The following PKN3 variants were observed in gnomAD, a reference collection of about 807,000 sequenced individuals.
PKN3 encodes protein kinase N3.
A neutral mutation model predicts 113.1 loss-of-function variants in PKN3; 91 were observed. The observed-to-expected ratio is 0.80, with a 90% CI of 0.68 to 0.96. The LOEUF (loss-of-function observed/expected upper bound fraction) is 0.96, where lower values mean the gene tolerates loss of function less well. Ranked by LOEUF, PKN3 falls within the 40% of genes least tolerant of loss-of-function variation. The pLI is 0.00. For synonymous variants in PKN3, 467 were observed against 499.0 expected, an observed-to-expected ratio of 0.94 and a Z score of 0.85; for missense variants, 1,052 against 1,202.2, an observed-to-expected ratio of 0.88 and a Z score of 1.85.
At position 128,713,078 on chromosome 9, in the gene PKN3, T is replaced by C; in HGVS notation, c.862T>C (p.Cys288Arg). Reference protein sequence around the residue: ...TGTLQVRLLGCEQLLTAVPGR... With the variant: ...TGTLQVRLLGREQLLTAVPGR... ...GACACTGCAGGTCCGCCTCCTGGGC[T>C]GTGAACAGTTGCTGACAGCCGTGCC... Residue 288 changes from cysteine (C) to arginine (R), a missense_variant, in exon 7 of 22, where the codon TGT (cysteine) becomes CGT (arginine). Cys to Arg is a radical substitution (Grantham distance 180, BLOSUM62 -3). Transcript: ENST00000291906. 3 of 1,611,654 alleles carry C rather than the reference T, an allele frequency of 1.9e-6. No individual in the cohort carries two copies. The highest frequency in any genetic ancestry group is 2.5e-6 in the Non-Finnish European group (3 of 1,178,938).
In PKN3 at chr9:128,705,748, G is replaced by A; in HGVS notation, c.280G>A (p.Gly94Arg). 2 of 1,606,196 alleles carry A rather than the reference G, an allele frequency of 1.2e-6. No individual in the cohort carries two copies. The highest frequency in any genetic ancestry group is 1.7e-6 in the Non-Finnish European group (2 of 1,176,622). The change falls in exon 3 of 22, where the codon GGA becomes AGA. Residue 94 changes from glycine (G) to arginine (R), a missense_variant. By Grantham distance (125) the Gly-to-Arg change is moderately radical. Around this residue, in one of 2 missense-constraint regions of PKN3, gnomAD observed 719 missense variants for 759.4 expected, o/e 0.95. Coordinates refer to ENST00000291906, the MANE Select transcript of PKN3 (RefSeq NM_013355.5). ...GPGPAEPVAS[G>R]PRPWAEQLRA... is the part of the protein sequence containing the mutation. ...CCCGTGCACAGAGCCTGTGGCCTCA[G>A]GACCCCGGCCGTGGGCAGAGCAGCT...
intron 3 of PKN3, 30 bp downstream of exon 3, chr9:128,705,909 A>C (rs1589476255): frequency 1.3e-6 from 2 of 1,543,358 alleles, no homozygotes; most frequent in Non-Finnish European, 1.8e-6. Context: ...TGGCAGGAGC[A>C]CCCTGGCCCC....
chr9:128,714,876 C>G lies in PKN3; in HGVS notation c.1652+11C>G, dbSNP rs763132219. ...AGCCTCCCCCACCAGGTACCCCATC[C>G]TGCGCACCTTCATGTTTGAGACGTT... On this transcript the variant is annotated intron_variant, in intron 13 of 21. Coordinates refer to ENST00000291906, the MANE Select transcript of PKN3 (RefSeq NM_013355.5). The G allele has an allele frequency of 8.1e-6, 13 of 1,612,100 alleles. No individual in the cohort carries two copies. Among genetic ancestry groups the G allele is most frequent in the Non-Finnish European group, 5.1e-6 (6 of 1,178,212 alleles).
At position 128,714,127 on chromosome 9, in the gene PKN3, G is replaced by C; in HGVS notation, c.1312+6G>C. ...CATCTTCTCTAAACGCAGAGGTGTGGAGGGAATGGGGGCTATGTGTGAGGG... is the reference window on the plus strand; with the variant it reads ...CATCTTCTCTAAACGCAGAGGTGTGCAGGGAATGGGGGCTATGTGTGAGGG... On this transcript the variant is annotated splice_donor_region_variant and intron_variant, in intron 10 of 21. Coordinates refer to ENST00000291906, the MANE Select transcript of PKN3 (RefSeq NM_013355.5). 3.7e-6 allele frequency: 6 copies of C among 1,614,136 alleles called. No homozygotes were observed. Among genetic ancestry groups the C allele is most frequent in the Non-Finnish European group, 5.1e-6 (6 of 1,179,988 alleles).
intron 1 of PKN3, chr9:128,703,541 C>T: frequency 1.0e-6 from 1 of 985,374 alleles, no homozygotes; most frequent in Non-Finnish European, 1.2e-6. Context: ...GCGCGTGGGC[C>T]CGGAGGACCG....
intron 5 of PKN3, 43 bp from the exon 6 acceptor site, chr9:128,707,179 C>A: frequency 6.3e-7 from 1 of 1,582,850 alleles, no homozygotes; most frequent in South Asian, 1.1e-5. Context: ...CTGCCCCCTG[C>A]CATATACCCC....
In PKN3 at chr9:128,718,423, TG is replaced by T. The variant is rs775941124; in HGVS notation, c.2048+41del. 4.8e-5 allele frequency: 21 copies of T among 437,714 alleles called. No homozygotes were observed. In the East Asian group the frequency reaches 6.6e-4, roughly 14 times the overall value. 27.1% of individuals were successfully genotyped at this position (437,714 alleles called of 1,614,324 possible). A position where few individuals can be genotyped will look rare whatever the true frequency, so the allele number is the denominator to read the frequency against. ...TCCCAGGGATGCACGGGGGTAGGGG[TG>T]GGGGTGGGGGTGGAGTGGGTAAGGA... is the stretch of plus-strand genomic sequence containing the variant. On this transcript the variant is annotated intron_variant, in intron 17 of 21. Transcript: ENST00000291906.
At chr9:128,714,155 C>T (rs1862266036) in intron 10 of PKN3, 34 bp downstream of exon 10, 1 of 1,613,880 alleles carries the variant, frequency 6.2e-7, no homozygotes, top group African/African-American at 1.3e-5. Context: ...TGTGAGGGAG[C>T]AGGGCTGGGG....
At chr9:128,703,005 G>A in intron 1 of PKN3, 66 bp downstream of exon 1, 1 of 1,124,492 alleles carries the variant, frequency 8.9e-7, no homozygotes, top group Non-Finnish European at 1.2e-6. Context: ...TCGCCCCGGA[G>A]CCCCGAACCG....
At chr9:128,717,026 G>A in intron 16 of PKN3, 103 bp downstream of exon 16, 3 of 913,406 alleles carry the variant, frequency 3.3e-6, no homozygotes, top group Non-Finnish European at 3.4e-6. Flanking sequence ...CAGCAGGGGA[G>A]CAGGAGTCAG....
chr9:128,720,574 G>C lies in PKN3; in HGVS notation c.2638G>C (p.Asp880His). The change falls in exon 22 of 22, where the codon GAC becomes CAC. Residue 880 changes from aspartate to histidine, a missense_variant. Transcript: ENST00000291906. This position sits in a 1 kb window ranked among gnomAD's most constrained non-coding sequence, Gnocchi z 5.5. ...CCAACAGGCCGCCTTCCGGGACTTC[G>C]ACTTTGTGTCAGAGCGATTCCTGGA... is the stretch of plus-strand genomic sequence containing the variant. ...ARQQAAFRDFDFVSERFLEP is the reference protein window; with the variant it reads ...ARQQAAFRDFHFVSERFLEP 6.2e-7 allele frequency: 1 copy of C among 1,613,376 alleles called. No individual in the cohort carries two copies. The highest frequency in any genetic ancestry group is 1.6e-4 in the Middle Eastern group (1 of 6,062).
Position 128,705,758 on chromosome 9 carries a change from C to A in PKN3, c.290C>A (p.Pro97Gln). The A allele has an allele frequency of 6.2e-7, 1 of 1,607,628 alleles. No homozygotes were observed. Among genetic ancestry groups the A allele is most frequent in the Non-Finnish European group, 8.5e-7 (1 of 1,177,296 alleles). Reference protein sequence around the residue: ...PAEPVASGPRPWAEQLRARHL... With the variant: ...PAEPVASGPRQWAEQLRARHL... ...GAGCCTGTGGCCTCAGGACCCCGGC[C>A]GTGGGCAGAGCAGCTCAGGGCTCGG... The change falls in exon 3 of 22, where the codon CCG becomes CAG. Residue 97 changes from proline (P) to glutamine (Q), a missense_variant. Around this residue, in one of 2 missense-constraint regions of PKN3, gnomAD observed 719 missense variants for 759.4 expected, o/e 0.95. Transcript: ENST00000291906.
intron 15 of PKN3, 68 bp from the exon 16 acceptor site, chr9:128,716,679 G>C (rs186271382): frequency 1.5e-6 from 2 of 1,344,204 alleles, no homozygotes; most frequent in East Asian, 4.6e-5. Context: ...CAGGGGTGTT[G>C]TGCAGGGCAC....
In PKN3 at chr9:128,707,345, G is replaced by A. The variant is rs1413696458; in HGVS notation, c.775G>A (p.Ala259Thr). The A allele has an allele frequency of 1.9e-6, 3 of 1,613,608 alleles. No individual in the cohort carries two copies. Among genetic ancestry groups the A allele is most frequent in the Non-Finnish European group, 2.5e-6 (3 of 1,179,920 alleles). ...LRSRVTRELRAAVPGYPQPSG... is the reference protein window; with the variant it reads ...LRSRVTRELRTAVPGYPQPSG... The stretch of plus-strand genomic sequence containing the variant: ...CAGCAGAGTGACCCGAGAGTTGCGG[G>A]CTGCGGTGCCTGGATACCCCCAGCC... The change falls in exon 6 of 22, where the codon GCT becomes ACT. Residue 259 changes from alanine (A) to threonine (T), a missense_variant. By Grantham distance (58) the Ala-to-Thr change is moderately conservative. Coordinates refer to ENST00000291906, the MANE Select transcript of PKN3 (RefSeq NM_013355.5).
At chr9:128,717,113 G>GTTTTTTTTTTTTTTTTTTT (rs1554781180) in intron 16 of PKN3, among the ~76,000 whole-genome samples, 190 bp downstream of exon 16, 7 of 14,446 alleles carry the variant, frequency 4.8e-4, no homozygotes, top group East Asian at 2.1e-3. Context: ...TGTGCATTAG[G>GTTTTTTTTTTTTTTTTTTT]TTTCTTTTTT....
rs375042146 is a variant in PKN3 at position 128,714,860 on chromosome 9, C to T, written c.1647C>T (p.Pro549=). ...GTGGGCCATCTCCACCAGCCTCCCC[C>T]ACCAGGTACCCCATCCTGCGCACCT... ...TRRGPSPPAS[P]TRKPPRLQDF... is the part of the protein sequence containing the mutation. The change falls in exon 13 of 22, where the codon CCC becomes CCT. Residue 549 remains proline (P), a synonymous_variant. Coordinates refer to ENST00000291906, the MANE Select transcript of PKN3 (RefSeq NM_013355.5). 3.1e-6 allele frequency: 5 copies of T among 1,613,624 alleles called. No homozygotes were observed. The highest frequency in any genetic ancestry group is 2.2e-5 in the East Asian group (1 of 44,888).
At chr9:128,708,280 G>A (rs548625503) in intron 6 of PKN3, among the ~76,000 whole-genome samples, 6 of 151,990 alleles carry the variant, frequency 3.9e-5, no homozygotes, top group Non-Finnish European at 8.8e-5. Flanking sequence ...CACTCGGGAG[G>A]CTAAGGCAGG....
intron 6 of PKN3, among the ~76,000 whole-genome samples, chr9:128,711,468 G>A (rs1287269698): frequency 6.6e-6 from 1 of 151,386 alleles, no homozygotes; most frequent in Non-Finnish European, 1.5e-5. Flanking sequence ...CCGCCACTGC[G>A]CCCGGCTAAT....
At position 128,705,349 on chromosome 9, in the gene PKN3, G is replaced by A. The variant is rs1220318953; in HGVS notation, c.71G>A (p.Arg24His). Residue 24 changes from arginine (R) to histidine (H), a missense_variant, in exon 2 of 22, where the codon CGC (arginine) becomes CAC (histidine). Coordinates refer to ENST00000291906, the MANE Select transcript of PKN3 (RefSeq NM_013355.5). Reference sequence around the variant, plus strand: ...CCAGAGGATGAGAAGGAGGTGATCCGCCGGGCCATCCAGAAAGAGCTGAAG... The same window carrying A: ...CCAGAGGATGAGAAGGAGGTGATCCACCGGGCCATCCAGAAAGAGCTGAAG... Reference protein sequence around the residue: ...WPPEDEKEVIRRAIQKELKIK... With the variant: ...WPPEDEKEVIHRAIQKELKIK... 6 of 1,581,302 alleles carry A rather than the reference G, an allele frequency of 3.8e-6. No individual in the cohort carries two copies. Among genetic ancestry groups the A allele is most frequent in the African/African-American group, 1.3e-5 (1 of 74,094 alleles).
Sources: gnomAD v4.1 joint callset for allele counts (sites outside exome capture counted in the v4.1 genomes callset) on GRCh38, gnomAD v4.1.1 for gene constraint, gnomAD v4.1.1 regional missense constraint, Gnocchi (gnomAD v3.1) non-coding constraint, MANE v1.5 for transcripts, NCBI Gene and HGNC (gene_info 2026-07-23, HGNC 2026-07-21) for gene names.